Variants in UNC5D observed in about 807,000 individuals in gnomAD.
UNC5D encodes unc-5 netrin receptor D.
A neutral mutation model predicts 105.4 loss-of-function variants in UNC5D; 39 were observed. That is an observed-to-expected ratio of 0.37 (90% confidence interval 0.29 to 0.48). UNC5D has a LOEUF of 0.48. Ranked by LOEUF, UNC5D falls within the 20% of genes least tolerant of loss-of-function variation. The pLI is 0.98. For synonymous variants in UNC5D, 452 were observed against 450.4 expected (o/e 1.00, Z -0.04); for missense variants, 991 against 1,202.4 (o/e 0.82, Z 2.60).
At chr8:35,643,345 T>C (rs996641648) in intron 4 of UNC5D, among the ~76,000 whole-genome samples, 1 of 152,154 alleles carries the variant, frequency 6.6e-6, no homozygotes, top group African/African-American at 2.4e-5. Context: ...AGCCCATCTC[T>C]GTTTTAAAAG....
intron 1 of UNC5D, among the ~76,000 whole-genome samples, chr8:35,411,679 CTTTAT>C (rs1805178864): frequency 6.6e-6 from 1 of 152,040 alleles, no homozygotes; most frequent in African/African-American, 2.4e-5. Flanking sequence ...CTTTAACTAA[CTTTAT>C]TTTATTTAAA....
chr8:35,245,875 C>T (rs1803059876), intron 1 of UNC5D, among the ~76,000 whole-genome samples: 1 of 152,020 alleles, frequency 6.6e-6, no homozygotes, highest in African/African-American at 2.4e-5. Context: ...AAGTTATATG[C>T]CATTAATTTA....
At chr8:35,572,391 C>CG (rs1817803217) in intron 3 of UNC5D, among the ~76,000 whole-genome samples, 1 of 151,408 alleles carries the variant, frequency 6.6e-6, no homozygotes, top group East Asian at 1.9e-4. Context: ...TCCATTGACA[C>CG]GTAGGGTCTT....
chr8:35,469,179 T>G (rs1809529957), intron 1 of UNC5D, among the ~76,000 whole-genome samples: 1 of 152,208 alleles, frequency 6.6e-6, no homozygotes, highest in African/African-American at 2.4e-5. Flanking sequence ...AGGTAAAAAC[T>G]TCTCCTTATC....
In UNC5D at chr8:35,444,016, CAT is replaced by C. The variant is rs1386463084; in HGVS notation, c.104-105274_104-105273del. 7.2e-5 allele frequency among the ~76,000 whole-genome samples: 11 copies of C among 152,034 alleles called. 1 individual carries two copies. Among genetic ancestry groups the C allele is most frequent in the Non-Finnish European group, 1.2e-4 (8 of 67,914 alleles). ...TTTAAACACATACTTTTGTTGAAAA[CAT>C]AAATTATTTGACAGATTATAACACA... On this transcript the variant is annotated intron_variant, in intron 1 of 16. Transcript: ENST00000404895.
chr8:35,318,909 C>CA (rs958078568), intron 1 of UNC5D, among the ~76,000 whole-genome samples: 6 of 151,932 alleles, frequency 3.9e-5, no homozygotes, highest in African/African-American at 7.2e-5. Flanking sequence ...CCTAAAAATA[C>CA]AAAAAAATTA....
At chr8:35,616,874 G>A (rs761014153) in intron 4 of UNC5D, among the ~76,000 whole-genome samples, 15 of 152,192 alleles carry the variant, frequency 9.9e-5, no homozygotes, top group Non-Finnish European at 1.9e-4. Flanking sequence ...TATAAGAAAA[G>A]GAAATGTATG....
At chr8:35,235,952 G>A (rs1802427799) in intron 1 of UNC5D, 65 bp downstream of exon 1, 1 of 1,199,014 alleles carries the variant, frequency 8.3e-7, no homozygotes, top group Non-Finnish European at 1.0e-6. Flanking sequence ...GACGGAGCGG[G>A]ACCTGCACCG....
At chr8:35,676,961 C>A (rs541529913) in intron 4 of UNC5D, among the ~76,000 whole-genome samples, 64 of 151,366 alleles carry the variant, frequency 4.2e-4, no homozygotes, top group Non-Finnish European at 8.8e-4. Flanking sequence ...ATATAAGAAT[C>A]AAAAAATATT....
At chr8:35,426,847 T>G (rs1029792326) in intron 1 of UNC5D, among the ~76,000 whole-genome samples, 1 of 152,160 alleles carries the variant, frequency 6.6e-6, no homozygotes, top group African/African-American at 2.4e-5. Flanking sequence ...TTAATCTACG[T>G]CATTGCTTGG....
At chr8:35,478,229 T>C (rs1585934688) in intron 1 of UNC5D, among the ~76,000 whole-genome samples, 1 of 152,202 alleles carries the variant, frequency 6.6e-6, no homozygotes, top group South Asian at 2.1e-4. Flanking sequence ...TATTCCACAA[T>C]TTGAAAAAAT....
intron 7 of UNC5D, among the ~76,000 whole-genome samples, chr8:35,689,097 A>G (rs1826220322): frequency 6.6e-6 from 1 of 152,208 alleles, no homozygotes; most frequent in Non-Finnish European, 1.5e-5. Context: ...TGAAATTTTT[A>G]TAGTCATAGT....
chr8:35,502,373 A>G (rs1329429188), intron 1 of UNC5D, among the ~76,000 whole-genome samples: 1 of 152,224 alleles, frequency 6.6e-6, no homozygotes, highest in Non-Finnish European at 1.5e-5. Flanking sequence ...TGCGTGTGGC[A>G]GGATCAAATT....
At chr8:35,549,255 T>C (rs1283710398) in intron 1 of UNC5D, 37 bp from the exon 2 acceptor site, 2 of 1,604,120 alleles carry the variant, frequency 1.2e-6, no homozygotes, top group Non-Finnish European at 1.7e-6. Context: ...GTGCTATCAA[T>C]GTAGGCTGTG....
chr8:35,702,534 G>A (rs925199717), intron 7 of UNC5D, among the ~76,000 whole-genome samples: 5 of 151,972 alleles, frequency 3.3e-5, no homozygotes, highest in Admixed American at 1.3e-4. Flanking sequence ...TTGGAGAGAG[G>A]TAAAATTAAA....
At chr8:35,419,170 A>G (rs1805722486) in intron 1 of UNC5D, among the ~76,000 whole-genome samples, 1 of 152,194 alleles carries the variant, frequency 6.6e-6, no homozygotes, top group Non-Finnish European at 1.5e-5. Flanking sequence ...ACTGCCTTCC[A>G]GTAAGTATGA....
intron 4 of UNC5D, among the ~76,000 whole-genome samples, chr8:35,643,431 C>T (rs1201736987): frequency 3.3e-5 from 5 of 152,216 alleles, no homozygotes; most frequent in African/African-American, 1.2e-4. Context: ...TTTCCCCTGT[C>T]TCAGCCTCCT....
chr8:35,500,321 T>C (rs1811880937), intron 1 of UNC5D, among the ~76,000 whole-genome samples: 1 of 152,158 alleles, frequency 6.6e-6, no homozygotes, highest in Non-Finnish European at 1.5e-5. Context: ...AGCTTGCTTT[T>C]ATAGTAAAGC....
intron 4 of UNC5D, among the ~76,000 whole-genome samples, chr8:35,645,723 T>C (rs1823005061): frequency 6.6e-6 from 1 of 152,076 alleles, no homozygotes; most frequent in South Asian, 2.1e-4. Context: ...TCAGAGAATA[T>C]AAAATGGCAG....
Sources: gnomAD v4.1 joint callset for allele counts (sites outside exome capture counted in the v4.1 genomes callset) on GRCh38, gnomAD v4.1.1 for gene constraint, MANE v1.5 for transcripts, NCBI Gene and HGNC (gene_info 2026-07-23, HGNC 2026-07-21) for gene names.